ASAP2: variants seen among roughly 807,000 people sequenced by gnomAD.
The protein encoded by ASAP2 is ArfGAP with SH3 domain, ankyrin repeat and PH domain 2.
ASAP2 carries 45 observed loss-of-function variants against 131.4 expected under a neutral mutation model. The observed-to-expected ratio is 0.34, with a 90% CI of 0.27 to 0.44. The LOEUF (loss-of-function observed/expected upper bound fraction) is 0.44. ASAP2 is among the 20% of genes least tolerant of loss of function. ASAP2 has a pLI of 1.00. For synonymous variants in ASAP2, 510 were observed against 503.0 expected, an observed-to-expected ratio of 1.01 and a Z score of -0.19; for missense variants, 1,011 against 1,297.0, an observed-to-expected ratio of 0.78 and a Z score of 3.39.
chr2:9,389,616 T>C lies in ASAP2; in HGVS notation c.2383+1070T>C, dbSNP rs1675562233. On this transcript the variant is annotated intron_variant, in intron 22 of 27. Coordinates refer to ENST00000281419, the MANE Select transcript of ASAP2 (RefSeq NM_003887.3). This position sits in a 1 kb window ranked among gnomAD's most constrained non-coding sequence, Gnocchi z 4.7. ...GGTGTCTCACAGACCCTCACACGGC[T>C]CTGCCCCTGTCATTCAGGGAGGCCC... 6.6e-6 allele frequency among the ~76,000 whole-genome samples: 1 copy of C among 152,156 alleles called. No homozygotes were observed. The highest frequency in any genetic ancestry group is 1.5e-5 in the Non-Finnish European group (1 of 68,038).
intron 1 of ASAP2, among the ~76,000 whole-genome samples, chr2:9,230,869 A>G (rs1034001258): frequency 8.5e-5 from 13 of 152,170 alleles, no homozygotes; most frequent in African/African-American, 3.1e-4. Flanking sequence ...CAAAGCCCAG[A>G]GATGGGGTCT....
intron 6 of ASAP2, among the ~76,000 whole-genome samples, chr2:9,325,129 G>C (rs568629411): frequency 4.5e-4 from 68 of 152,082 alleles, no homozygotes; most frequent in Non-Finnish European, 6.8e-4. Context: ...AAACTTAAAG[G>C]GTTCTTATAG....
chr2:9,213,739 C>T (rs909440510), intron 1 of ASAP2, among the ~76,000 whole-genome samples: 2 of 152,116 alleles, frequency 1.3e-5, no homozygotes, highest in African/African-American at 2.4e-5. Flanking sequence ...AACTCCTGCC[C>T]CAAACAGGGC....
intron 2 of ASAP2, among the ~76,000 whole-genome samples, chr2:9,291,914 G>T: frequency 6.6e-6 from 1 of 151,974 alleles, no homozygotes. Flanking sequence ...TCAGCTCTTA[G>T]CTCTTATCTA....
At chr2:9,326,540 A>G (rs1238099231) in intron 6 of ASAP2, among the ~76,000 whole-genome samples, 1 of 152,224 alleles carries the variant, frequency 6.6e-6, no homozygotes, top group East Asian at 1.9e-4. Flanking sequence ...TTAATATAAG[A>G]AAATATATAT....
Position 9,279,467 on chromosome 2 carries a change from C to A in ASAP2, c.199+78C>A, listed in dbSNP as rs886567536. 1.2e-5 allele frequency: 16 copies of A among 1,370,216 alleles called. No homozygotes were observed. In the African/African-American group the frequency reaches 2.0e-4, roughly 17 times the overall value. 84.9% of individuals were successfully genotyped at this position (1,370,216 alleles called of 1,614,324 possible). ...AGTCCTGGTACCGTAATATTGATGACCATTAACAAATGAGCCAGCTAGACT... is the reference window on the plus strand; with the variant it reads ...AGTCCTGGTACCGTAATATTGATGAACATTAACAAATGAGCCAGCTAGACT... On this transcript the variant is annotated intron_variant, in intron 2 of 27. Transcript: ENST00000281419.
Position 9,390,827 on chromosome 2 carries a change from T to C in ASAP2, c.2384-235T>C, listed in dbSNP as rs73150963. ...ACTCAGGAATTTTAAATTTCATGGA[T>C]TGAGAAAACCTGCTGAGAATAGTCC... On this transcript the variant is annotated intron_variant, in intron 22 of 27. Transcript: ENST00000281419. Among the ~76,000 whole-genome samples, 745 of 152,354 alleles carry C rather than the reference T, an allele frequency of 4.9e-3. 5 individuals are homozygous for C. Among genetic ancestry groups the C allele is most frequent in the African/African-American group, 0.017 (718 of 41,576 alleles).
intron 1 of ASAP2, among the ~76,000 whole-genome samples, chr2:9,233,269 G>C (rs1325240108): frequency 6.6e-6 from 1 of 152,196 alleles, no homozygotes; most frequent in Non-Finnish European, 1.5e-5. Context: ...GATAGTGAAG[G>C]AATTGCGAAG....
intron 3 of ASAP2, among the ~76,000 whole-genome samples, chr2:9,309,681 A>G (rs1190466905): frequency 6.6e-6 from 1 of 152,192 alleles, no homozygotes; most frequent in Non-Finnish European, 1.5e-5. Flanking sequence ...TTCAAAAGCC[A>G]TTTGTCCAAA....
chr2:9,290,384 A>G (rs1667736212), intron 2 of ASAP2, among the ~76,000 whole-genome samples: 1 of 151,748 alleles, frequency 6.6e-6, no homozygotes, highest in Non-Finnish European at 1.5e-5. Context: ...TAATTTTTGT[A>G]TTTTTATTAA....
chr2:9,264,597 G>T (rs561098189), intron 1 of ASAP2, among the ~76,000 whole-genome samples: 10 of 152,240 alleles, frequency 6.6e-5, no homozygotes, highest in Admixed American at 3.3e-4. Context: ...CAAGTCATAC[G>T]TGAATATATC....
chr2:9,302,728 G>A (rs1668581897), intron 3 of ASAP2, among the ~76,000 whole-genome samples: 1 of 152,100 alleles, frequency 6.6e-6, no homozygotes, highest in Admixed American at 6.5e-5. Context: ...ACCCGCCTGG[G>A]TCTCCCAAAG....
rs539938494 is a variant in ASAP2 at position 9,385,270 on chromosome 2, T to C, written c.2042T>C (p.Phe681Ser). 8 of 1,614,148 alleles carry C rather than the reference T, an allele frequency of 5.0e-6. No homozygotes were observed. In the South Asian group the frequency reaches 8.8e-5, roughly 18 times the overall value. ...ELLTQALSGR[F>S]NSHVHVEYEW... is the part of the protein sequence containing the mutation. ...CTGACCCAAGCCTTATCTGGAAGAT[T>C]TAATTCTCACGTTCACGTTGAATAT... Residue 681 changes from phenylalanine to serine, a missense_variant, in exon 21 of 28, where the codon TTT (phenylalanine) becomes TCT (serine). Around this residue, in one of 2 missense-constraint regions of ASAP2, gnomAD observed 652 missense variants for 698.9 expected, o/e 0.93. Coordinates refer to ENST00000281419, the MANE Select transcript of ASAP2 (RefSeq NM_003887.3).
chr2:9,346,278 T>C (rs1671957630), intron 11 of ASAP2, among the ~76,000 whole-genome samples: 2 of 151,828 alleles, frequency 1.3e-5, no homozygotes, highest in South Asian at 4.2e-4. Flanking sequence ...AATGCAAAAA[T>C]TAGCCAGGCA....
At chr2:9,273,894 C>T (rs182742055) in intron 1 of ASAP2, among the ~76,000 whole-genome samples, 15 of 152,330 alleles carry the variant, frequency 9.8e-5, no homozygotes, top group African/African-American at 3.4e-4. Flanking sequence ...TTTATTAGTC[C>T]TGCAAAGGCT....
chr2:9,310,746 C>T (rs971773395), intron 3 of ASAP2, among the ~76,000 whole-genome samples: 11 of 152,146 alleles, frequency 7.2e-5, no homozygotes, highest in African/African-American at 2.2e-4. Context: ...GACAGATCTA[C>T]AGGCAAGGAA....
intron 1 of ASAP2, among the ~76,000 whole-genome samples, chr2:9,214,986 A>G (rs1489378170): frequency 6.6e-6 from 1 of 152,224 alleles, no homozygotes; most frequent in African/African-American, 2.4e-5. Context: ...AACTAATCAC[A>G]GTCATGCATT....
At chr2:9,353,570 A>T (rs1371682247) in intron 12 of ASAP2, among the ~76,000 whole-genome samples, 1 of 150,560 alleles carries the variant, frequency 6.6e-6, no homozygotes, top group Non-Finnish European at 1.5e-5. Context: ...AAAAAAAGAC[A>T]TTTGGGCAGT....
chr2:9,254,915 C>T (rs1290849127), intron 1 of ASAP2, among the ~76,000 whole-genome samples: 1 of 152,124 alleles, frequency 6.6e-6, no homozygotes. Context: ...TAGGTAGACA[C>T]GTTTTATATT....
Sources: allele counts gnomAD v4.1 joint callset (sites outside exome capture counted in the v4.1 genomes callset), GRCh38; gene constraint gnomAD v4.1.1; regional missense constraint gnomAD v4.1.1; non-coding constraint Gnocchi (gnomAD v3.1); transcripts MANE v1.5; gene names NCBI Gene and HGNC (gene_info 2026-07-23, HGNC 2026-07-21).